The following RBM47 variants were observed in gnomAD, a reference collection of about 807,000 sequenced individuals.
RBM47 encodes the protein RNA binding motif protein 47.
RBM47 carries 21 observed loss-of-function variants against 47.1 expected under a neutral mutation model. That is an observed-to-expected ratio of 0.45 (90% CI 0.32 to 0.64). RBM47 has a LOEUF of 0.64. RBM47 is among the 30% of genes least tolerant of loss of function. The probability of loss-of-function intolerance (pLI) is 0.05; values close to 1 mark genes in which losing one functional copy is unlikely to be tolerated. For synonymous variants in RBM47, 375 were observed against 361.7 expected (o/e 1.04, Z -0.42); for missense variants, 708 against 870.9 (o/e 0.81, Z 2.35).
intron 1 of RBM47, among the ~76,000 whole-genome samples, chr4:40,584,893 A>T (rs773732127): frequency 7.1e-6 from 1 of 141,682 alleles, no homozygotes; most frequent in Non-Finnish European, 1.5e-5. Flanking sequence ...TTGTTTTCTA[A>T]TGCTCAAAAT....
chr4:40,469,988 T>C (rs1718609294), intron 2 of RBM47, among the ~76,000 whole-genome samples: 2 of 152,330 alleles, frequency 1.3e-5, no homozygotes, highest in South Asian at 4.1e-4. Flanking sequence ...AAAACCTATA[T>C]GTTATGTTTG....
At chr4:40,492,775 CTGTGTG>C (rs4035484) in intron 2 of RBM47, among the ~76,000 whole-genome samples, 5 of 150,424 alleles carry the variant, frequency 3.3e-5, no homozygotes, top group Admixed American at 2.6e-4. Flanking sequence ...CCATCATGAC[CTGTGTG>C]TGTGTGTGTG....
chr4:40,487,304 T>C (rs1426848819), intron 2 of RBM47, among the ~76,000 whole-genome samples: 1 of 152,204 alleles, frequency 6.6e-6, no homozygotes. Flanking sequence ...TCTTTTCTTT[T>C]CTTTTTTTAA....
At chr4:40,511,259 A>C (rs1355785821) in intron 2 of RBM47, among the ~76,000 whole-genome samples, 1 of 152,228 alleles carries the variant, frequency 6.6e-6, no homozygotes, top group African/African-American at 2.4e-5. Flanking sequence ...CTCTGTTCAG[A>C]AAAGACAGCA....
At chr4:40,498,054 T>TTTTATATATATATATATATATATATATA (rs1553890649) in intron 2 of RBM47, among the ~76,000 whole-genome samples, 2 of 109,878 alleles carry the variant, frequency 1.8e-5, no homozygotes, top group Admixed American at 8.9e-5. Flanking sequence ...AGTGCTTGTT[T>TTTTATATATATATATATATATATATATA]TATATATATA....
chr4:40,453,206 A>C (rs1715721771), intron 3 of RBM47, among the ~76,000 whole-genome samples: 1 of 152,142 alleles, frequency 6.6e-6, no homozygotes, highest in African/African-American at 2.4e-5. Context: ...TGTACAAGGC[A>C]CTGTGCTAGA....
At chr4:40,504,043 A>G (rs1723755449) in intron 2 of RBM47, among the ~76,000 whole-genome samples, 1 of 152,040 alleles carries the variant, frequency 6.6e-6, no homozygotes, top group African/African-American at 2.4e-5. Flanking sequence ...TTTTAAGGAA[A>G]TGGTATACCC....
intron 2 of RBM47, among the ~76,000 whole-genome samples, chr4:40,508,025 C>T (rs1234003213): frequency 6.6e-6 from 1 of 152,182 alleles, no homozygotes; most frequent in Non-Finnish European, 1.5e-5. Flanking sequence ...GAGATCACCC[C>T]ACTGCACCCC....
intron 5 of RBM47, among the ~76,000 whole-genome samples, chr4:40,433,633 C>CT (rs1369483102): frequency 6.6e-6 from 1 of 152,078 alleles, no homozygotes; most frequent in East Asian, 1.9e-4. Context: ...GCCGCACTGC[C>CT]TTTTTTTCAC....
intron 6 of RBM47, among the ~76,000 whole-genome samples, chr4:40,429,149 C>T (rs1025504871): frequency 1.3e-5 from 2 of 152,098 alleles, no homozygotes; most frequent in Non-Finnish European, 2.9e-5. Context: ...CACTTAATAG[C>T]CATCTGGGTT....
At chr4:40,454,305 T>C (rs1715898883) in intron 3 of RBM47, among the ~76,000 whole-genome samples, 1 of 152,206 alleles carries the variant, frequency 6.6e-6, no homozygotes, top group Admixed American at 6.5e-5. Flanking sequence ...GTAAACTAAC[T>C]ATTTAAAATC....
At chr4:40,462,688 C>G (rs1230333210) in intron 3 of RBM47, among the ~76,000 whole-genome samples, 1 of 151,982 alleles carries the variant, frequency 6.6e-6, no homozygotes, top group Non-Finnish European at 1.5e-5. Context: ...GGCTTGAATA[C>G]TCATGTCGTT....
At chr4:40,431,267 C>G (rs1431003767) in intron 6 of RBM47, among the ~76,000 whole-genome samples, 1 of 152,276 alleles carries the variant, frequency 6.6e-6, no homozygotes, top group East Asian at 1.9e-4. Context: ...AGAAACAGGA[C>G]ACAGTCTTTG....
At chr4:40,436,730 T>A in intron 4 of RBM47, 83 bp from the exon 5 acceptor site, 2 of 1,332,824 alleles carry the variant, frequency 1.5e-6, no homozygotes, top group Non-Finnish European at 2.1e-6. Flanking sequence ...TCTCGGCATT[T>A]AACTGCCCCA....
chr4:40,556,904 A>G (rs1371739267), intron 1 of RBM47, among the ~76,000 whole-genome samples: 1 of 148,552 alleles, frequency 6.7e-6, no homozygotes, highest in African/African-American at 2.5e-5. Flanking sequence ...AAATATATAT[A>G]TATACATTTA....
At chr4:40,456,371 G>A (rs1252162802) in intron 3 of RBM47, among the ~76,000 whole-genome samples, 1 of 152,014 alleles carries the variant, frequency 6.6e-6, no homozygotes, top group South Asian at 2.1e-4. Flanking sequence ...AATTATAAAA[G>A]TCATCTTTAA....
chr4:40,579,354 G>A (rs1240767918), intron 1 of RBM47, among the ~76,000 whole-genome samples: 2 of 148,714 alleles, frequency 1.3e-5, no homozygotes, highest in Non-Finnish European at 3.0e-5. Flanking sequence ...CCCGGGAGGT[G>A]GAGGTTGTAG....
At chr4:40,528,524 C>T (rs889996038) in intron 2 of RBM47, among the ~76,000 whole-genome samples, 14 of 152,110 alleles carry the variant, frequency 9.2e-5, no homozygotes, top group Middle Eastern at 6.8e-3. Context: ...TGGGAGCCAC[C>T]GTAATCCTAG....
At chr4:40,448,178 A>G (rs560609490) in intron 3 of RBM47, among the ~76,000 whole-genome samples, 77 of 152,154 alleles carry the variant, frequency 5.1e-4, no homozygotes, top group Admixed American at 2.6e-4. Context: ...CCTGGGTGAC[A>G]GAGTGAGACT....
Sources: gnomAD v4.1 joint callset for allele counts (sites outside exome capture counted in the v4.1 genomes callset) on GRCh38, gnomAD v4.1.1 for gene constraint, MANE v1.5 for transcripts, NCBI Gene and HGNC (gene_info 2026-07-23, HGNC 2026-07-21) for gene names.